UMAD1: variants seen among roughly 807,000 people sequenced by gnomAD.
UMAD1 encodes UBAP1-MVB12-associated (UMA)-domain containing protein 1.
A neutral mutation model predicts 6.1 loss-of-function variants in UMAD1; 8 were observed. The ratio of observed to expected loss-of-function variants is 1.30; its 90% CI spans 0.76 to 2.35. The LOEUF (loss-of-function observed/expected upper bound fraction) is 2.35. Among genes scored for constraint, UMAD1 ranks in the 30% most tolerant of loss-of-function variants. The pLI is 0.00. For synonymous variants in UMAD1, 56 were observed against 31.4 expected, an observed-to-expected ratio of 1.78 and a Z score of -2.61; for missense variants, 130 against 78.4, an observed-to-expected ratio of 1.66 and a Z score of -2.49.
At chr7:7,690,666 TTTAATATA>T in intron 2 of UMAD1, among the ~76,000 whole-genome samples, 1 of 152,300 alleles carries the variant, frequency 6.6e-6, no homozygotes, top group South Asian at 2.1e-4. Flanking sequence ...TTGAGAATAC[TTTAATATA>T]TCTAAATTCT....
chr7:7,699,806 G>C (rs1780412537), intron 2 of UMAD1, among the ~76,000 whole-genome samples: 1 of 152,156 alleles, frequency 6.6e-6, no homozygotes, highest in Admixed American at 6.5e-5. Context: ...ATATTTGTTG[G>C]GGGAGAATGA....
chr7:7,830,044 C>A lies in UMAD1; in HGVS notation c.156+28301C>A, dbSNP rs1208636164. Reference sequence around the variant, plus strand: ...CTGACTTTTGCCTTTCTGGTCTATTCTTTACACAGCACTAGAGTTTTCTAC... The same window carrying A: ...CTGACTTTTGCCTTTCTGGTCTATTATTTACACAGCACTAGAGTTTTCTAC... On this transcript the variant is annotated intron_variant, in intron 3 of 3. Coordinates refer to ENST00000682710, the MANE Select transcript of UMAD1 (RefSeq NM_001302348.2). The surrounding 1 kb of genome is among the most constrained non-coding windows in gnomAD (Gnocchi z 5.3). 1.3e-5 allele frequency among the ~76,000 whole-genome samples: 2 copies of A among 152,120 alleles called. No individual in the cohort carries two copies. Among genetic ancestry groups the A allele is most frequent in the Non-Finnish European group, 2.9e-5 (2 of 68,016 alleles).
At position 7,673,302 on chromosome 7, in the gene UMAD1, A is replaced by G. The variant is rs1162877268; in HGVS notation, c.-63-7A>G. 4 of 1,224,230 alleles carry G rather than the reference A, an allele frequency of 3.3e-6. No homozygotes were observed. Among genetic ancestry groups the G allele is most frequent in the Non-Finnish European group, 4.6e-6 (4 of 864,352 alleles). 75.8% of individuals were successfully genotyped at this position (1,224,230 alleles called of 1,614,324 possible). A position where few individuals can be genotyped will look rare whatever the true frequency, so the allele number is the denominator to read the frequency against. On this transcript the variant is annotated splice_region_variant and splice_polypyrimidine_tract_variant and intron_variant, in intron 1 of 3. Transcript: ENST00000682710. ...GAATTTGACATTGTGTAATGTTTCT[A>G]TTTCAGGTAGCAGCAGCAGCAGCAG...
intron 2 of UMAD1, among the ~76,000 whole-genome samples, chr7:7,776,841 A>G (rs1198264323): frequency 1.3e-5 from 2 of 152,214 alleles, no homozygotes; most frequent in Admixed American, 6.5e-5. Flanking sequence ...TAAAAAATAT[A>G]TGAAAAGTAA....
At chr7:7,788,478 G>C (rs1337951661) in intron 2 of UMAD1, among the ~76,000 whole-genome samples, 1 of 152,094 alleles carries the variant, frequency 6.6e-6, no homozygotes, top group Non-Finnish European at 1.5e-5. Flanking sequence ...TTCTTAATGA[G>C]CTCTTGCTTT....
At chr7:7,873,432 C>T (rs568437945) in intron 3 of UMAD1, among the ~76,000 whole-genome samples, 1 of 152,286 alleles carries the variant, frequency 6.6e-6, no homozygotes, top group East Asian at 1.9e-4. Flanking sequence ...CATACCTGCA[C>T]TCTTGGCTGA....
At chr7:7,723,694 C>T (rs1303616771) in intron 2 of UMAD1, among the ~76,000 whole-genome samples, 1 of 152,176 alleles carries the variant, frequency 6.6e-6, no homozygotes, top group Non-Finnish European at 1.5e-5. Flanking sequence ...AGTCACTCAA[C>T]TACAAAATTT....
chr7:7,877,629 AG>A lies in UMAD1; in HGVS notation c.*93del. On this transcript the variant is annotated 3_prime_UTR_variant, in exon 4 of 4. Transcript: ENST00000682710. The stretch of plus-strand genomic sequence containing the variant: ...ATGTTCTTTGCCGTTTCACTGTTTA[AG>A]GTCCTCAGCAAGGATCATAAAGCAA... 1 of 655,816 alleles carries A rather than the reference AG, an allele frequency of 1.5e-6. No homozygotes were observed. 40.6% of individuals were successfully genotyped at this position (655,816 alleles called of 1,614,324 possible). A position where few individuals can be genotyped will look rare whatever the true frequency, so the allele number is the denominator to read the frequency against.
intron 3 of UMAD1, among the ~76,000 whole-genome samples, chr7:7,828,198 A>G (rs1783384416): frequency 6.6e-6 from 1 of 152,202 alleles, no homozygotes; most frequent in African/African-American, 2.4e-5. Flanking sequence ...GATGTTTGAT[A>G]GTCGCTGGTT....
chr7:7,730,518 C>T (rs1031374237), intron 2 of UMAD1, among the ~76,000 whole-genome samples: 2 of 152,166 alleles, frequency 1.3e-5, no homozygotes, highest in Non-Finnish European at 2.9e-5. Context: ...TGATTGCATT[C>T]ATACTTGCCT....
chr7:7,825,107 G>A (rs1472589548), intron 3 of UMAD1, among the ~76,000 whole-genome samples: 1 of 152,084 alleles, frequency 6.6e-6, no homozygotes, highest in Admixed American at 6.6e-5. Context: ...AAGGCTGCCT[G>A]TCAATATCTT....
intron 3 of UMAD1, among the ~76,000 whole-genome samples, chr7:7,844,424 C>G (rs1583867191): frequency 6.6e-6 from 1 of 152,058 alleles, no homozygotes; most frequent in East Asian, 1.9e-4. Flanking sequence ...CTAGTTATGC[C>G]TCTGCTATTA....
intron 3 of UMAD1, among the ~76,000 whole-genome samples, chr7:7,869,815 T>C (rs1784303090): frequency 6.6e-6 from 1 of 152,248 alleles, no homozygotes; most frequent in Admixed American, 6.5e-5. Flanking sequence ...TTCTTAAACC[T>C]GAATTTCCTT....
intron 2 of UMAD1, among the ~76,000 whole-genome samples, chr7:7,750,662 A>G (rs964834637): frequency 6.6e-6 from 1 of 152,226 alleles, no homozygotes; most frequent in South Asian, 2.1e-4. Context: ...TCACCAGTAT[A>G]CTTATGAGGT....
chr7:7,741,415 C>CA (rs1387374445), intron 2 of UMAD1, among the ~76,000 whole-genome samples: 3 of 151,560 alleles, frequency 2.0e-5, no homozygotes, highest in Admixed American at 1.3e-4. Context: ...ACTGAAAATA[C>CA]AAAAAATTAG....
chr7:7,710,412 A>G (rs1015301060), intron 2 of UMAD1, among the ~76,000 whole-genome samples: 2 of 152,234 alleles, frequency 1.3e-5, no homozygotes, highest in Non-Finnish European at 2.9e-5. Context: ...GGCAAAAGAC[A>G]TGAAGAGACA....
intron 3 of UMAD1, among the ~76,000 whole-genome samples, chr7:7,836,225 G>C (rs2042546): frequency 6.6e-6 from 1 of 151,658 alleles, no homozygotes; most frequent in Admixed American, 6.6e-5. Flanking sequence ...AGTGGTAAAC[G>C]TGTTTACATA....
At chr7:7,747,119 G>T (rs1234335496) in intron 2 of UMAD1, among the ~76,000 whole-genome samples, 1 of 152,096 alleles carries the variant, frequency 6.6e-6, no homozygotes, top group Non-Finnish European at 1.5e-5. Flanking sequence ...GTGAGAAATA[G>T]TAATGAGATA....
chr7:7,751,275 G>C (rs1781672712), intron 2 of UMAD1, among the ~76,000 whole-genome samples: 1 of 152,144 alleles, frequency 6.6e-6, no homozygotes, highest in Non-Finnish European at 1.5e-5. Flanking sequence ...TAATGAATGT[G>C]TGGGGCAAAT....
Sources: allele counts gnomAD v4.1 joint callset (sites outside exome capture counted in the v4.1 genomes callset), GRCh38; gene constraint gnomAD v4.1.1; non-coding constraint Gnocchi (gnomAD v3.1); transcripts MANE v1.5; gene names NCBI Gene and HGNC (gene_info 2026-07-23, HGNC 2026-07-21).